OPA1: variants seen among roughly 807,000 people sequenced by gnomAD.
The protein encoded by OPA1 is dynamin-like GTPase OPA1, mitochondrial.
In OPA1, 59 loss-of-function variants were observed where a neutral mutation model predicts 152.9. That is an observed-to-expected ratio of 0.39 (90% CI 0.31 to 0.48). The LOEUF (loss-of-function observed/expected upper bound fraction) is 0.48, where lower values mean the gene tolerates loss of function less well. OPA1 is among the 20% of genes least tolerant of loss of function. The probability of loss-of-function intolerance (pLI) is 0.96; values close to 1 mark genes in which losing one functional copy is unlikely to be tolerated. For synonymous variants in OPA1, 400 were observed against 389.9 expected (o/e 1.03, Z -0.31); for missense variants, 1,008 against 1,216.8 (o/e 0.83, Z 2.55).
chr3:193,691,980 TACCA>T, intron 29 of OPA1, 79 bp from the exon 30 acceptor site: 1 of 819,912 alleles, frequency 1.2e-6, no homozygotes, highest in South Asian at 1.5e-5. Flanking sequence ...TAGTTAAGTA[TACCA>T]ACCATTTAGT....
At chr3:193,684,093 C>T (rs1242156026) in intron 29 of OPA1, among the ~76,000 whole-genome samples, 1 of 152,148 alleles carries the variant, frequency 6.6e-6, no homozygotes, top group Non-Finnish European at 1.5e-5. Flanking sequence ...TTCGTACGCA[C>T]AACTGAGAGA....
At chr3:193,612,456 CA>C (rs1456888203) in intron 1 of OPA1, among the ~76,000 whole-genome samples, 2 of 151,994 alleles carry the variant, frequency 1.3e-5, no homozygotes, top group Non-Finnish European at 2.9e-5. Flanking sequence ...TTGGTTTTTG[CA>C]AAGAATCTTT....
At chr3:193,617,548 A>G (rs1040448792) in intron 4 of OPA1, among the ~76,000 whole-genome samples, 1 of 152,234 alleles carries the variant, frequency 6.6e-6, no homozygotes, top group Admixed American at 6.5e-5. Context: ...GTTCTTGACA[A>G]GTAGATGAGA....
chr3:193,615,807 A>ATT, intron 3 of OPA1, 37 bp downstream of exon 3: 1 of 1,160,078 alleles, frequency 8.6e-7, no homozygotes, highest in Non-Finnish European at 1.3e-6. Context: ...TTTTTTGGTC[A>ATT]TCTCGAGGAA....
At chr3:193,602,604 G>A (rs1726634149) in intron 1 of OPA1, among the ~76,000 whole-genome samples, 1 of 152,182 alleles carries the variant, frequency 6.6e-6, no homozygotes, top group South Asian at 2.1e-4. Context: ...GATTGAATCT[G>A]ATTGCCATTA....
chr3:193,593,817 G>A (rs568137185), intron 1 of OPA1, among the ~76,000 whole-genome samples: 5 of 151,772 alleles, frequency 3.3e-5, no homozygotes, highest in South Asian at 2.1e-4. Flanking sequence ...CCTAACTCTC[G>A]GTGTCTTCTT....
At chr3:193,676,516 A>C (rs1719007706) in intron 29 of OPA1, among the ~76,000 whole-genome samples, 1 of 152,244 alleles carries the variant, frequency 6.6e-6, no homozygotes, top group South Asian at 2.1e-4. Flanking sequence ...ACAAAGATAA[A>C]GTAATCCTCA....
At chr3:193,597,787 C>A (rs1030080128) in intron 1 of OPA1, among the ~76,000 whole-genome samples, 1 of 151,508 alleles carries the variant, frequency 6.6e-6, no homozygotes, top group Admixed American at 6.6e-5. Flanking sequence ...TTTTTTCCCC[C>A]TTTTAAGATG....
intron 16 of OPA1, among the ~76,000 whole-genome samples, chr3:193,644,490 G>C (rs1469945563): frequency 6.6e-6 from 1 of 152,186 alleles, no homozygotes; most frequent in African/African-American, 2.4e-5. Context: ...CATTACTTCA[G>C]TAGTGAGCCA....
chr3:193,614,891 C>T lies in OPA1; in HGVS notation c.201C>T (p.Asn67=), dbSNP rs375473766. 1 of 1,614,002 alleles carries T rather than the reference C, an allele frequency of 6.2e-7. No individual in the cohort carries two copies. Among genetic ancestry groups the T allele is most frequent in the African/African-American group, 1.3e-5 (1 of 75,056 alleles). ...TTCAGCAGTTCTCTTCTCTGACAAA[C>T]CTTCCTTTACGTAAACTGAAATTCT... The part of the protein sequence containing the change: ...TSFQQFSSLT[N]LPLRKLKFSP... The change falls in exon 2 of 31, where the codon AAC becomes AAT. Residue 67 remains asparagine (N), a synonymous_variant. Coordinates refer to ENST00000361510, the MANE Select transcript of OPA1 (RefSeq NM_130837.3).
Position 193,654,883 on chromosome 3 carries a change from T to C in OPA1, c.2034T>C (p.Ser678=). 2 of 1,613,926 alleles carry C rather than the reference T, an allele frequency of 1.2e-6. No individual in the cohort carries two copies. Among genetic ancestry groups the C allele is most frequent in the Non-Finnish European group, 1.7e-6 (2 of 1,179,922 alleles). ...PKHWEEILQQ[S]LWERVSTHVI... ...TCAGGGAGGAAATCCTTCAACAATC[T>C]TTGTGGGAAAGAGTATCAACTCATG... Residue 678 remains serine (S), a synonymous_variant, in exon 22 of 31, where the codon TCT becomes TCC. Coordinates refer to ENST00000361510, the MANE Select transcript of OPA1 (RefSeq NM_130837.3).
Position 193,593,275 on chromosome 3 carries a change from G to A in OPA1, c.-103G>A. On this transcript the variant is annotated 5_prime_UTR_variant, in exon 1 of 31. Coordinates refer to ENST00000361510, the MANE Select transcript of OPA1 (RefSeq NM_130837.3). ...CGCGGCTCTGTGCCCTTGCTGCTGA[G>A]GGCCACTTCCTGGGTCATTCCTGGA... The A allele has an allele frequency of 1.6e-6, 2 of 1,252,130 alleles. No homozygotes were observed. The highest frequency in any genetic ancestry group is 2.2e-6 in the Non-Finnish European group (2 of 922,544). 77.6% of individuals were successfully genotyped at this position (1,252,130 alleles called of 1,614,324 possible).
At chr3:193,645,348 G>A (rs956535629) in intron 16 of OPA1, among the ~76,000 whole-genome samples, 1 of 152,104 alleles carries the variant, frequency 6.6e-6, no homozygotes, top group African/African-American at 2.4e-5. Context: ...TTTTCGATAC[G>A]TGTGTTTTAA....
intron 24 of OPA1, 134 bp from the exon 25 acceptor site, chr3:193,659,348 G>T: frequency 1.3e-6 from 1 of 769,508 alleles, no homozygotes; most frequent in Non-Finnish European, 2.2e-6. Flanking sequence ...AGTCATGTGG[G>T]TTTTTTCCTT....
At chr3:193,594,646 C>A (rs1725224921) in intron 1 of OPA1, among the ~76,000 whole-genome samples, 1 of 152,182 alleles carries the variant, frequency 6.6e-6, no homozygotes, top group East Asian at 1.9e-4. Flanking sequence ...CCTCGACTTC[C>A]CAAAGTGCTG....
intron 29 of OPA1, 40 bp downstream of exon 29, chr3:193,667,320 A>C: frequency 1.1e-6 from 1 of 918,330 alleles, no homozygotes; most frequent in Non-Finnish European, 1.8e-6. Context: ...CTACCTTTCC[A>C]CCTTTCCCAT....
At chr3:193,635,785 T>C (rs931201928) in intron 9 of OPA1, among the ~76,000 whole-genome samples, 2 of 152,234 alleles carry the variant, frequency 1.3e-5, no homozygotes, top group East Asian at 3.8e-4. Context: ...CTGAAATATC[T>C]AGTTTATCTC....
At chr3:193,676,845 G>T (rs373797139) in intron 29 of OPA1, among the ~76,000 whole-genome samples, 3 of 152,044 alleles carry the variant, frequency 2.0e-5, no homozygotes, top group Admixed American at 2.0e-4. Context: ...GCCAGGCGTG[G>T]TGGCGGGCGC....
chr3:193,660,295 T>C (rs1215245172), intron 25 of OPA1, among the ~76,000 whole-genome samples: 1 of 152,160 alleles, frequency 6.6e-6, no homozygotes, highest in African/African-American at 2.4e-5. Flanking sequence ...CATTCAGTCT[T>C]ATACCACTGT....
Sources: gnomAD v4.1 joint callset for allele counts (sites outside exome capture counted in the v4.1 genomes callset) on GRCh38, gnomAD v4.1.1 for gene constraint, MANE v1.5 for transcripts, NCBI Gene and HGNC (gene_info 2026-07-23, HGNC 2026-07-21) for gene names.